Variants in SORCS2 observed in about 807,000 individuals in gnomAD.
The protein encoded by SORCS2 is sortilin related VPS10 domain containing receptor 2, also known as VPS10 domain-containing receptor SorCS2.
SORCS2 carries 100 observed loss-of-function variants against 141.6 expected under a neutral mutation model. That is an observed-to-expected ratio of 0.71 (90% confidence interval 0.60 to 0.83). The LOEUF is 0.83. SORCS2 is among the 40% of genes least tolerant of loss of function. The pLI, the probability that SORCS2 is intolerant of heterozygous loss-of-function variation, is 0.00. For missense variants in SORCS2, 1,646 were observed against 1,560.2 expected (o/e 1.05, Z -0.93); for synonymous variants, 789 against 676.9 (o/e 1.17, Z -2.57).
chr4:7,599,499 T>C (rs1192888736), intron 3 of SORCS2, among the ~76,000 whole-genome samples: 2 of 152,114 alleles, frequency 1.3e-5, no homozygotes, highest in African/African-American at 2.4e-5. Context: ...AAAGGGGAAG[T>C]TGGATAACCC....
rs936062922 is a variant in SORCS2, at chr4:7,663,792, G to C, written c.953-561G>C. Among the ~76,000 whole-genome samples the C allele has an allele frequency of 3.9e-5, 6 of 152,172 alleles. No individual in the cohort carries two copies. The highest frequency in any genetic ancestry group is 7.4e-5 in the Non-Finnish European group (5 of 68,022). Reference sequence around the variant, plus strand: ...GTCCCCTTGGATAAATCTTCCTCCTGGCTCACAAGCTGGAACGCAGAGCTT... The same window carrying C: ...GTCCCCTTGGATAAATCTTCCTCCTCGCTCACAAGCTGGAACGCAGAGCTT... On this transcript the variant is annotated intron_variant, in intron 6 of 26. Coordinates refer to ENST00000507866, the MANE Select transcript of SORCS2 (RefSeq NM_020777.3). The surrounding 1 kb of genome is among the most constrained non-coding windows in gnomAD (Gnocchi z 4.8).
chr4:7,319,597 C>G (rs770580414), intron 1 of SORCS2, among the ~76,000 whole-genome samples: 38 of 151,976 alleles, frequency 2.5e-4, no homozygotes, highest in Non-Finnish European at 4.6e-4. Context: ...GCTTGTGGTC[C>G]TAGCTACTCT....
chr4:7,722,965 G>C (rs539089887), intron 18 of SORCS2, among the ~76,000 whole-genome samples: 3 of 152,254 alleles, frequency 2.0e-5, no homozygotes, highest in African/African-American at 7.2e-5. Flanking sequence ...GGGAGGAGAG[G>C]AGGAAGGGAG....
At chr4:7,378,829 C>T (rs1265587387) in intron 1 of SORCS2, among the ~76,000 whole-genome samples, 1 of 152,216 alleles carries the variant, frequency 6.6e-6, no homozygotes, top group Non-Finnish European at 1.5e-5. Flanking sequence ...CTGCCCGCAT[C>T]AGGTCCAGGC....
chr4:7,284,199 C>A (rs1716067254), intron 1 of SORCS2, among the ~76,000 whole-genome samples: 1 of 152,154 alleles, frequency 6.6e-6, no homozygotes, highest in African/African-American at 2.4e-5. Flanking sequence ...TGGGACAGGG[C>A]AGGAGGGCAT....
intron 1 of SORCS2, among the ~76,000 whole-genome samples, 187 bp from the exon 2 acceptor site, chr4:7,396,101 A>G (rs1039098681): frequency 3.9e-5 from 6 of 152,214 alleles, no homozygotes; most frequent in Non-Finnish European, 8.8e-5. Flanking sequence ...GAGCAGAAAT[A>G]AGCCCACGTC....
chr4:7,686,998 C>T (rs377209576), intron 10 of SORCS2, among the ~76,000 whole-genome samples: 16 of 152,264 alleles, frequency 1.1e-4, no homozygotes, highest in African/African-American at 3.4e-4. Context: ...CCACTAGTGG[C>T]GAGGGGTGGG....
intron 1 of SORCS2, among the ~76,000 whole-genome samples, chr4:7,208,269 C>T (rs957948664): frequency 2.0e-5 from 3 of 152,148 alleles, no homozygotes; most frequent in Non-Finnish European, 1.5e-5. Context: ...CGGGGCATGT[C>T]GGGACTGAAC....
rs903363920 is a variant in SORCS2, at chr4:7,513,213, C to T, written c.549-18317C>T. Among the ~76,000 whole-genome samples, 10 of 152,338 alleles carry T rather than the reference C, an allele frequency of 6.6e-5. 1 individual carries two copies. In the South Asian group the frequency reaches 2.1e-3, roughly 32 times the overall value. ...TATGTAGCCATAATGTGAGAGAGCG[C>T]TACAGAAAATACCGTGCGCTACAGG... On this transcript the variant is annotated intron_variant, in intron 2 of 26. Coordinates refer to ENST00000507866, the MANE Select transcript of SORCS2 (RefSeq NM_020777.3).
intron 2 of SORCS2, among the ~76,000 whole-genome samples, chr4:7,399,695 C>T (rs1454691420): frequency 6.6e-6 from 1 of 152,190 alleles, no homozygotes; most frequent in African/African-American, 2.4e-5. Flanking sequence ...TCCACGTGGT[C>T]TTGCCCTCAC....
intron 4 of SORCS2, among the ~76,000 whole-genome samples, chr4:7,643,336 G>A (rs1256308386): frequency 3.3e-5 from 5 of 152,212 alleles, no homozygotes; most frequent in Non-Finnish European, 7.3e-5. Context: ...ACATGAAACT[G>A]ACCAGCCTGT....
At chr4:7,300,698 C>A (rs1717375925) in intron 1 of SORCS2, among the ~76,000 whole-genome samples, 1 of 152,178 alleles carries the variant, frequency 6.6e-6, no homozygotes. Context: ...GCATCCATGC[C>A]CTTCAACCAC....
rs1443889340 is a variant in SORCS2 at position 7,587,652 on chromosome 4, G to A, written c.649-50676G>A. Among the ~76,000 whole-genome samples the A allele has an allele frequency of 2.0e-5, 3 of 152,210 alleles. No individual in the cohort carries two copies. The East Asian group carries it at 5.8e-4, about 29-fold the overall frequency. On this transcript the variant is annotated intron_variant, in intron 3 of 26. Coordinates refer to ENST00000507866, the MANE Select transcript of SORCS2 (RefSeq NM_020777.3). ...CTAGTCCCCAACTCTGGCACCCACA[G>A]CAGCGTCTTCGCCTCCCAGGGGAGG...
chr4:7,502,999 C>T (rs187672432), intron 2 of SORCS2, among the ~76,000 whole-genome samples: 6 of 152,212 alleles, frequency 3.9e-5, no homozygotes, highest in Admixed American at 3.9e-4. Flanking sequence ...CAAGTTCCAC[C>T]CGATTTCACG....
rs1478034944 is a variant in SORCS2 at position 7,734,350 on chromosome 4, C to A, written c.3287C>A (p.Ala1096Asp). Residue 1096 changes from alanine to aspartate, a missense_variant, in exon 25 of 27, where the codon GCC becomes GAC. Physicochemically the swap from Ala to Asp is moderately radical, Grantham distance 126 (BLOSUM62 -2). Transcript: ENST00000507866. The part of the protein sequence containing the change: ...LFVIGLFAAG[A>D]FILYKFKRKR... ...GTCATCGGGCTCTTCGCAGCGGGAGCCTTCATCCTCTACAAGTTCAAAAGG... is the reference window on the plus strand; with the variant it reads ...GTCATCGGGCTCTTCGCAGCGGGAGACTTCATCCTCTACAAGTTCAAAAGG... The A allele has an allele frequency of 2.5e-6, 4 of 1,577,008 alleles. No individual in the cohort carries two copies. The highest frequency in any genetic ancestry group is 3.4e-6 in the Non-Finnish European group (4 of 1,161,790).
chr4:7,515,363 G>A (rs1732907688), intron 2 of SORCS2, among the ~76,000 whole-genome samples: 1 of 152,202 alleles, frequency 6.6e-6, no homozygotes, highest in Non-Finnish European at 1.5e-5. Flanking sequence ...GGCGGATGAG[G>A]CCTTCCCTAG....
In SORCS2 at chr4:7,543,763, C is replaced by CGT. The variant is rs1560373191; in HGVS notation, c.648+12134_648+12135insGT. Reference sequence around the variant, plus strand: ...ATCCACCCATCCACCCATCCACCCACCCATCCGTCCATCCATCCACTCATC... The same window carrying CGT: ...ATCCACCCATCCACCCATCCACCCACGTCCATCCGTCCATCCATCCACTCATC... On this transcript the variant is annotated intron_variant, in intron 3 of 26. Transcript: ENST00000507866. Among the ~76,000 whole-genome samples, 37 of 61,980 alleles carry CGT rather than the reference C, an allele frequency of 6.0e-4. 1 individual carries two copies. Among genetic ancestry groups the CGT allele is most frequent in the African/African-American group, 2.1e-3 (28 of 13,494 alleles). The allele number at this position is 61,980 out of a possible 152,430, so 40.7% of individuals were successfully genotyped here.
At chr4:7,241,096 G>A (rs1712665211) in intron 1 of SORCS2, among the ~76,000 whole-genome samples, 1 of 151,964 alleles carries the variant, frequency 6.6e-6, no homozygotes, top group South Asian at 2.1e-4. Flanking sequence ...CACCATGCCT[G>A]GCTAAATTTT....
intron 1 of SORCS2, among the ~76,000 whole-genome samples, chr4:7,304,394 C>T (rs1173469157): frequency 6.6e-6 from 1 of 152,214 alleles, no homozygotes. Flanking sequence ...CCCTTTTATG[C>T]ATCATCCACA....
Sources: allele counts gnomAD v4.1 joint callset (sites outside exome capture counted in the v4.1 genomes callset), GRCh38; gene constraint gnomAD v4.1.1; non-coding constraint Gnocchi (gnomAD v3.1); transcripts MANE v1.5; gene names NCBI Gene and HGNC (gene_info 2026-07-23, HGNC 2026-07-21).